The following NIM1K variants were observed in gnomAD, a reference collection of about 807,000 sequenced individuals.
NIM1K encodes NIM1 serine/threonine protein kinase, also known as serine/threonine-protein kinase NIM1.
Under a neutral mutation model 37.1 loss-of-function variants are expected in NIM1K, and 35 were observed. The ratio of observed to expected loss-of-function variants is 0.94; its 90% CI spans 0.72 to 1.25. The LOEUF (loss-of-function observed/expected upper bound fraction) is 1.25. Among genes scored for constraint, NIM1K ranks in the 50% most tolerant of loss-of-function variants. NIM1K has a pLI of 0.00. For missense variants in NIM1K, 564 were observed against 548.0 expected, an observed-to-expected ratio of 1.03 and a Z score of -0.29; for synonymous variants, 234 against 206.6, an observed-to-expected ratio of 1.13 and a Z score of -1.14.
intron 1 of NIM1K, among the ~76,000 whole-genome samples, chr5:43,204,326 C>T (rs181031206): frequency 6.5e-4 from 98 of 150,668 alleles, no homozygotes; most frequent in African/African-American, 2.3e-3. Flanking sequence ...TCAAGTGATT[C>T]GCCCACCTCA....
intron 1 of NIM1K, chr5:43,194,897 C>T (rs909076373): frequency 3.9e-5 from 6 of 152,102 alleles, no homozygotes; most frequent in Non-Finnish European, 8.8e-5. Context: ...ACTTATCATA[C>T]ATTTTTAAAA....
At chr5:43,232,194 C>T (rs866413156) in intron 1 of NIM1K, 3 of 994,404 alleles carry the variant, frequency 3.0e-6, no homozygotes, top group Middle Eastern at 3.2e-4. Flanking sequence ...GCATTGACGT[C>T]TTTGAGAACC....
At chr5:43,267,507 G>C (rs931513150) in intron 2 of NIM1K, among the ~76,000 whole-genome samples, 1 of 151,956 alleles carries the variant, frequency 6.6e-6, no homozygotes, top group African/African-American at 2.4e-5. Context: ...GGGTTCCTTT[G>C]TTCCTGTTTC....
intron 2 of NIM1K, among the ~76,000 whole-genome samples, chr5:43,265,402 A>G (rs982673564): frequency 1.3e-5 from 2 of 151,948 alleles, no homozygotes; most frequent in Non-Finnish European, 2.9e-5. Context: ...CTTCCATTTG[A>G]TCGAATTGGC....
rs897171243 is a variant in NIM1K at position 43,211,976 on chromosome 5, C to A, written c.-695+19565C>A. On this transcript the variant is annotated intron_variant, in intron 1 of 3. Coordinates refer to ENST00000326035, the MANE Select transcript of NIM1K (RefSeq NM_153361.4). ...CAACTCAAAATTCAAGCAAAGCTAA[C>A]CATATAAGACTAACAAAAACAAAAT... 2.6e-5 allele frequency among the ~76,000 whole-genome samples: 4 copies of A among 152,232 alleles called. No homozygotes were observed. The South Asian group carries it at 8.3e-4, about 32-fold the overall frequency.
At chr5:43,235,436 A>C (rs1270472516) in intron 1 of NIM1K, among the ~76,000 whole-genome samples, 10 of 152,228 alleles carry the variant, frequency 6.6e-5, no homozygotes, top group Non-Finnish European at 8.8e-5. Context: ...AGAGATACTC[A>C]ATTGTCAAGC....
chr5:43,255,754 A>AAAAAAAGAAAGAAAGAAAGAAAG (rs112325348), intron 2 of NIM1K, among the ~76,000 whole-genome samples: 10 of 131,894 alleles, frequency 7.6e-5, no homozygotes, highest in African/African-American at 2.8e-4. Flanking sequence ...TCTCAAAAAA[A>AAAAAAAGAAAGAAAGAAAGAAAG]AAAGAAAGAA....
chr5:43,227,331 G>A (rs1282738145), intron 1 of NIM1K, among the ~76,000 whole-genome samples: 1 of 152,060 alleles, frequency 6.6e-6, no homozygotes, highest in Non-Finnish European at 1.5e-5. Context: ...TTGCACTCCA[G>A]CCTGGAGACA....
chr5:43,265,654 T>C (rs960309649), intron 2 of NIM1K, among the ~76,000 whole-genome samples: 1 of 152,232 alleles, frequency 6.6e-6, no homozygotes, highest in Non-Finnish European at 1.5e-5. Context: ...TCCAGCTTTG[T>C]TCTATGGCTG....
chr5:43,248,750 C>T (rs997811734), intron 2 of NIM1K, among the ~76,000 whole-genome samples: 1 of 152,052 alleles, frequency 6.6e-6, no homozygotes, highest in Non-Finnish European at 1.5e-5. Context: ...CCAACAGACT[C>T]AAGACCCAGG....
At chr5:43,258,035 C>T (rs951731140) in intron 2 of NIM1K, among the ~76,000 whole-genome samples, 1 of 152,126 alleles carries the variant, frequency 6.6e-6, no homozygotes, top group Non-Finnish European at 1.5e-5. Context: ...GAAGCACCAC[C>T]AACATCAAGA....
In NIM1K at chr5:43,229,692, A is replaced by C. The variant is rs529814057; in HGVS notation, c.-694-15390A>C. Among the ~76,000 whole-genome samples, 37 of 144,702 alleles carry C rather than the reference A, an allele frequency of 2.6e-4. No individual in the cohort carries two copies. The South Asian group carries it at 4.8e-3, about 19-fold the overall frequency. 94.9% of individuals were successfully genotyped at this position (144,702 alleles called of 152,430 possible). A position where few individuals can be genotyped will look rare whatever the true frequency, so the allele number is the denominator to read the frequency against. On this transcript the variant is annotated intron_variant, in intron 1 of 3. Coordinates refer to ENST00000326035, the MANE Select transcript of NIM1K (RefSeq NM_153361.4). ...GGCTCTGTTGCCCAGGCTGGAGTGC[A>C]GTGGCACCATCTCAGCTCACTGCAA... is the stretch of plus-strand genomic sequence containing the variant.
chr5:43,280,748 T>A lies in NIM1K; in HGVS notation c.*19T>A, dbSNP rs780952797. 2.2e-5 allele frequency: 34 copies of A among 1,544,780 alleles called. No individual in the cohort carries two copies. Among genetic ancestry groups the A allele is most frequent in the Non-Finnish European group, 3.0e-5 (34 of 1,148,054 alleles). ...TTTATAAATTGCACTAGACTGCTTG[T>A]AACTAACCAAGATGATTGTTGCTGC... On this transcript the variant is annotated 3_prime_UTR_variant, in exon 4 of 4. Transcript: ENST00000326035.
chr5:43,271,484 T>C (rs1753255795), intron 2 of NIM1K, among the ~76,000 whole-genome samples: 1 of 152,152 alleles, frequency 6.6e-6, no homozygotes, highest in Admixed American at 6.5e-5. Context: ...TGGATACACT[T>C]TATAAATACG....
At chr5:43,197,332 G>A (rs1224344453) in intron 1 of NIM1K, among the ~76,000 whole-genome samples, 1 of 147,948 alleles carries the variant, frequency 6.8e-6, no homozygotes, top group African/African-American at 2.5e-5. Context: ...TGGTAGGGGG[G>A]GCGGGCCTCT....
At chr5:43,247,082 C>A (rs1579977978) in intron 2 of NIM1K, among the ~76,000 whole-genome samples, 1 of 152,084 alleles carries the variant, frequency 6.6e-6, no homozygotes, top group Non-Finnish European at 1.5e-5. Flanking sequence ...CAATCCCATG[C>A]CCCTCCAATC....
chr5:43,262,061 CT>C (rs1244524018), intron 2 of NIM1K, among the ~76,000 whole-genome samples: 2 of 152,140 alleles, frequency 1.3e-5, no homozygotes, highest in African/African-American at 4.8e-5. Context: ...CTGCTTTGTT[CT>C]TTTGGCTTAC....
chr5:43,257,489 T>C (rs961802600), intron 2 of NIM1K, among the ~76,000 whole-genome samples: 2 of 148,148 alleles, frequency 1.3e-5, no homozygotes, highest in African/African-American at 5.0e-5. Context: ...TGCCTCAGCC[T>C]CCTGAGTAGC....
intron 1 of NIM1K, among the ~76,000 whole-genome samples, chr5:43,224,065 G>GC (rs1752419259): frequency 6.8e-6 from 1 of 146,252 alleles, no homozygotes; most frequent in African/African-American, 2.5e-5. Context: ...TTGTCTTTTT[G>GC]TTTTTTTTTT....
Sources: gnomAD v4.1 joint callset for allele counts (sites outside exome capture counted in the v4.1 genomes callset) on GRCh38, gnomAD v4.1.1 for gene constraint, MANE v1.5 for transcripts, NCBI Gene and HGNC (gene_info 2026-07-23, HGNC 2026-07-21) for gene names.